The following LRRC4C variants were observed in gnomAD, a reference collection of about 807,000 sequenced individuals.
LRRC4C encodes leucine rich repeat containing 4C, also known as leucine-rich repeat-containing protein 4C.
Under a neutral mutation model 33.6 loss-of-function variants are expected in LRRC4C, and 5 were observed. The ratio of observed to expected loss-of-function variants is 0.15; its 90% CI spans 0.08 to 0.31. The LOEUF (loss-of-function observed/expected upper bound fraction) is 0.31. Among genes scored for constraint, LRRC4C ranks in the 10% least tolerant of loss-of-function variants. The probability of loss-of-function intolerance (pLI) is 1.00; values close to 1 mark genes in which losing one functional copy is unlikely to be tolerated. For synonymous variants in LRRC4C, 329 were observed against 302.0 expected (o/e 1.09, Z -0.93); for missense variants, 560 against 796.7 (o/e 0.70, Z 3.58).
intron 4 of LRRC4C, among the ~76,000 whole-genome samples, chr11:40,303,348 C>T (rs186149465): frequency 5.9e-5 from 9 of 152,130 alleles, no homozygotes; most frequent in Admixed American, 5.2e-4. Context: ...ATTTGGAGGC[C>T]ATGCATAACT....
chr11:41,198,869 T>C (rs997160755), intron 1 of LRRC4C, among the ~76,000 whole-genome samples: 1 of 152,110 alleles, frequency 6.6e-6, no homozygotes, highest in East Asian at 1.9e-4. Flanking sequence ...TACTGAACAG[T>C]TAGTGAACTA....
chr11:40,956,255 A>G (rs1004507937), intron 1 of LRRC4C, among the ~76,000 whole-genome samples: 2 of 151,814 alleles, frequency 1.3e-5, no homozygotes, highest in Non-Finnish European at 2.9e-5. Context: ...TGTAAAATAC[A>G]TTCTTATACT....
At chr11:40,408,355 G>A (rs934653957) in intron 3 of LRRC4C, among the ~76,000 whole-genome samples, 7 of 151,722 alleles carry the variant, frequency 4.6e-5, no homozygotes, top group African/African-American at 7.3e-5. Context: ...TATAAAAACC[G>A]TTTTTTGGAA....
intron 2 of LRRC4C, among the ~76,000 whole-genome samples, chr11:40,653,885 G>T (rs1942950282): frequency 6.6e-6 from 1 of 152,176 alleles, no homozygotes; most frequent in South Asian, 2.1e-4. Flanking sequence ...GGACCTTGCT[G>T]TTTTTTGCAG....
At chr11:40,533,770 T>C (rs912612502) in intron 3 of LRRC4C, among the ~76,000 whole-genome samples, 4 of 152,042 alleles carry the variant, frequency 2.6e-5, no homozygotes, top group African/African-American at 9.7e-5. Flanking sequence ...TTTTGATAGG[T>C]TCCTGATTGG....
chr11:40,843,303 A>G lies in LRRC4C; in HGVS notation c.-407+90332T>C, dbSNP rs563589772. 6.6e-5 allele frequency among the ~76,000 whole-genome samples: 10 copies of G among 152,252 alleles called. No individual in the cohort carries two copies. In the South Asian group the frequency reaches 1.5e-3, roughly 22 times the overall value. ...CAGCAATTAGGACGAGACCAACCCT[A>G]TGTACTAGGTAGTTGACTGGGAACT... On this transcript the variant is annotated intron_variant, in intron 2 of 6. Coordinates refer to ENST00000528697, the MANE Select transcript of LRRC4C (RefSeq NM_001258419.2).
rs531976924 is a variant in LRRC4C, at chr11:41,188,901, G to GCC, written c.-495-255180_-495-255179dup. On this transcript the variant is annotated intron_variant, in intron 1 of 6. Coordinates refer to ENST00000528697, the MANE Select transcript of LRRC4C (RefSeq NM_001258419.2). ...TACTTTTTAGCACAAAACAGGACCTGCCCCCCCCCCCAAAAAAAAGTATAA... is the reference window on the plus strand; with the variant it reads ...TACTTTTTAGCACAAAACAGGACCTGCCCCCCCCCCCCCAAAAAAAAGTATAA... Among the ~76,000 whole-genome samples the GCC allele has an allele frequency of 9.5e-4, 118 of 124,324 alleles. 2 individuals carry two copies. Among genetic ancestry groups the GCC allele is most frequent in the African/African-American group, 2.5e-3 (83 of 33,440 alleles). The allele number at this position is 124,324 out of a possible 152,430, so 81.6% of individuals were successfully genotyped here.
intron 1 of LRRC4C, among the ~76,000 whole-genome samples, chr11:40,986,047 A>G (rs1186111455): frequency 3.3e-5 from 5 of 152,204 alleles, no homozygotes; most frequent in Non-Finnish European, 5.9e-5. Flanking sequence ...TAGCAAAATG[A>G]GTAAAACTAG....
intron 1 of LRRC4C, among the ~76,000 whole-genome samples, chr11:40,999,407 T>C (rs1199719050): frequency 2.0e-5 from 3 of 152,166 alleles, no homozygotes; most frequent in Non-Finnish European, 4.4e-5. Context: ...AATTATGTAT[T>C]TCCAAAGTGA....
intron 2 of LRRC4C, among the ~76,000 whole-genome samples, chr11:40,664,531 C>G (rs148740139): frequency 7.1e-6 from 1 of 141,334 alleles, no homozygotes; most frequent in South Asian, 2.4e-4. Flanking sequence ...AGCGAAAGAG[C>G]GAGACTCTGT....
In LRRC4C at chr11:41,440,519, C is replaced by T. The variant is rs185840135; in HGVS notation, c.-496+18912G>A. Among the ~76,000 whole-genome samples the T allele has an allele frequency of 6.0e-3, 915 of 152,006 alleles. 10 individuals are homozygous for T. Among genetic ancestry groups the T allele is most frequent in the African/African-American group, 0.02 (843 of 41,458 alleles). On this transcript the variant is annotated intron_variant, in intron 1 of 6. Coordinates refer to ENST00000528697, the MANE Select transcript of LRRC4C (RefSeq NM_001258419.2). ...AAAAGCACAAATCAAATGACAGTTA[C>T]GAGGAGAGTAACACACTACATATGT...
At chr11:41,159,456 A>C (rs1274949592) in intron 1 of LRRC4C, among the ~76,000 whole-genome samples, 1 of 152,108 alleles carries the variant, frequency 6.6e-6, no homozygotes, top group East Asian at 1.9e-4. Flanking sequence ...TATAGAGATG[A>C]AGAATTGACC....
At chr11:40,126,784 A>G (rs1236216711) in intron 6 of LRRC4C, among the ~76,000 whole-genome samples, 2 of 151,896 alleles carry the variant, frequency 1.3e-5, no homozygotes, top group African/African-American at 4.8e-5. Flanking sequence ...AACATGGAGG[A>G]ACCCCATCTC....
intron 5 of LRRC4C, among the ~76,000 whole-genome samples, chr11:40,228,400 A>G (rs1182653226): frequency 6.6e-6 from 1 of 152,146 alleles, no homozygotes; most frequent in African/African-American, 2.4e-5. Flanking sequence ...AAACTACAAG[A>G]TGCACTGTCA....
intron 3 of LRRC4C, among the ~76,000 whole-genome samples, chr11:40,591,118 G>A (rs1959033599): frequency 6.6e-6 from 1 of 152,160 alleles, no homozygotes; most frequent in African/African-American, 2.4e-5. Context: ...TGCTGTGCTA[G>A]CAATCAGTGA....
At chr11:41,295,845 T>C (rs1343636507) in intron 1 of LRRC4C, among the ~76,000 whole-genome samples, 1 of 152,256 alleles carries the variant, frequency 6.6e-6, no homozygotes. Flanking sequence ...TGATTTCATT[T>C]AGACATCTAT....
chr11:40,688,165 A>T (rs1226439072), intron 2 of LRRC4C, among the ~76,000 whole-genome samples: 5 of 152,172 alleles, frequency 3.3e-5, no homozygotes, highest in Non-Finnish European at 1.5e-5. Flanking sequence ...TTAATCTCAG[A>T]GCAGAAGGTA....
intron 1 of LRRC4C, among the ~76,000 whole-genome samples, chr11:41,433,801 A>ATGTG (rs3040493): frequency 3.7e-4 from 55 of 149,448 alleles, no homozygotes; most frequent in Admixed American, 4.7e-4. Flanking sequence ...TCCCATATAT[A>ATGTG]TGTGTGTGTG....
At chr11:40,972,543 A>G (rs1367819326) in intron 1 of LRRC4C, among the ~76,000 whole-genome samples, 1 of 152,168 alleles carries the variant, frequency 6.6e-6, no homozygotes, top group Admixed American at 6.5e-5. Flanking sequence ...ACTGTCCCAG[A>G]CAGGGTAGTT....
Sources: allele counts gnomAD v4.1 joint callset (sites outside exome capture counted in the v4.1 genomes callset), GRCh38; gene constraint gnomAD v4.1.1; transcripts MANE v1.5; gene names NCBI Gene and HGNC (gene_info 2026-07-23, HGNC 2026-07-21).